SLC35F3: variants seen among roughly 807,000 people sequenced by gnomAD.
SLC35F3 encodes solute carrier family 35 member F3, also known as putative thiamine transporter SLC35F3.
Under a neutral mutation model 49.9 loss-of-function variants are expected in SLC35F3, and 25 were observed. The ratio of observed to expected loss-of-function variants is 0.50; its 90% CI spans 0.37 to 0.70. SLC35F3 has a LOEUF of 0.70. Ranked by LOEUF, SLC35F3 falls within the 30% of genes least tolerant of loss-of-function variation. SLC35F3 has a pLI of 0.00. For missense variants in SLC35F3, 525 were observed against 639.8 expected, an observed-to-expected ratio of 0.82 and a Z score of 1.94; for synonymous variants, 275 against 265.4, an observed-to-expected ratio of 1.04 and a Z score of -0.35.
chr1:234,063,136 G>A (rs999447390), intron 2 of SLC35F3, among the ~76,000 whole-genome samples: 11 of 152,064 alleles, frequency 7.2e-5, no homozygotes, highest in Admixed American at 5.9e-4. Flanking sequence ...TAGAGCCTCC[G>A]TCCTGTTCCC....
intron 3 of SLC35F3, among the ~76,000 whole-genome samples, chr1:234,264,543 G>T (rs907065387): frequency 6.6e-6 from 1 of 152,080 alleles, no homozygotes; most frequent in Admixed American, 6.6e-5. Context: ...GTTAATTTTT[G>T]TTTTTATTTT....
chr1:234,245,271 C>T (rs1667613295), intron 3 of SLC35F3, among the ~76,000 whole-genome samples: 1 of 152,218 alleles, frequency 6.6e-6, no homozygotes, highest in Non-Finnish European at 1.5e-5. Context: ...CCTCCAGTTC[C>T]ATCCATGTTG....
chr1:234,225,243 T>C (rs1667268968), intron 2 of SLC35F3, among the ~76,000 whole-genome samples: 1 of 152,240 alleles, frequency 6.6e-6, no homozygotes, highest in Non-Finnish European at 1.5e-5. Flanking sequence ...TGAGCAAGTA[T>C]TTAATGAGTA....
At chr1:234,100,360 A>G (rs989216944) in intron 2 of SLC35F3, among the ~76,000 whole-genome samples, 1 of 152,192 alleles carries the variant, frequency 6.6e-6, no homozygotes, top group Non-Finnish European at 1.5e-5. Flanking sequence ...TTATATTATT[A>G]TTTAGATGCA....
At chr1:234,013,722 T>G (rs1663759626) in intron 2 of SLC35F3, among the ~76,000 whole-genome samples, 2 of 151,896 alleles carry the variant, frequency 1.3e-5, no homozygotes, top group South Asian at 4.1e-4. Flanking sequence ...GCCAACAACT[T>G]GAATAACCCA....
At position 233,930,382 on chromosome 1, in the gene SLC35F3, T is replaced by G. The variant is rs74400429; in HGVS notation, c.283+24624T>G. Among the ~76,000 whole-genome samples, 911 of 152,322 alleles carry G rather than the reference T, an allele frequency of 6.0e-3. 9 individuals are homozygous for G. The highest frequency in any genetic ancestry group is 0.02 in the African/African-American group (851 of 41,586). ...CTCATCAAAAATCTTTTGATTTTCT[T>G]TCTTACTGCAAAGAGGTATTATAAT... is the stretch of plus-strand genomic sequence containing the variant. On this transcript the variant is annotated intron_variant, in intron 2 of 7. Transcript: ENST00000366618.
In SLC35F3 at chr1:233,931,282, C is replaced by T. The variant is rs1159626638; in HGVS notation, c.283+25524C>T. On this transcript the variant is annotated intron_variant, in intron 2 of 7. Transcript: ENST00000366618. ...CAATGGCAACAAAAGCCAAAAGTGACAAATGGGATCTAATTAAACTAAAGA... is the reference window on the plus strand; with the variant it reads ...CAATGGCAACAAAAGCCAAAAGTGATAAATGGGATCTAATTAAACTAAAGA... 7.9e-5 allele frequency among the ~76,000 whole-genome samples: 12 copies of T among 152,140 alleles called. 1 individual carries two copies. Among genetic ancestry groups the T allele is most frequent in the Admixed American group, 7.2e-4 (11 of 15,280 alleles).
intron 2 of SLC35F3, among the ~76,000 whole-genome samples, chr1:233,943,563 G>A (rs1662464473): frequency 6.6e-6 from 1 of 152,224 alleles, no homozygotes; most frequent in Non-Finnish European, 1.5e-5. Context: ...ATTCATCAAA[G>A]TGTAGGCACA....
intron 2 of SLC35F3, among the ~76,000 whole-genome samples, chr1:234,051,020 A>AT (rs1558215127): frequency 6.6e-6 from 1 of 152,138 alleles, no homozygotes; most frequent in Non-Finnish European, 1.5e-5. Flanking sequence ...TACTAGTGCC[A>AT]TGTTGTTTTG....
intron 2 of SLC35F3, among the ~76,000 whole-genome samples, chr1:234,017,900 G>A (rs897980519): frequency 6.6e-6 from 1 of 151,812 alleles, no homozygotes; most frequent in African/African-American, 2.4e-5. Flanking sequence ...GCTTCTCTAA[G>A]GCACATCAGA....
At position 233,904,909 on chromosome 1, in the gene SLC35F3, G is replaced by C. The variant is rs1387630322; in HGVS notation, c.-169G>C. ...GTGCCGCACGCCGCGGAGGCGCTCG[G>C]GTACAGACCGCGCGGGCGCGCACAA... On this transcript the variant is annotated 5_prime_UTR_variant, in exon 1 of 8. Coordinates refer to ENST00000366618, the MANE Select transcript of SLC35F3 (RefSeq NM_173508.4). 1.6e-6 allele frequency: 1 copy of C among 619,794 alleles called. No individual in the cohort carries two copies. The highest frequency in any genetic ancestry group is 2.6e-6 in the Non-Finnish European group (1 of 389,374). The allele number at this position is 619,794 out of a possible 1,614,324, so 38.4% of individuals were successfully genotyped here.
At chr1:234,251,068 C>A (rs922786581) in intron 3 of SLC35F3, among the ~76,000 whole-genome samples, 3 of 152,074 alleles carry the variant, frequency 2.0e-5, no homozygotes, top group African/African-American at 7.2e-5. Context: ...GAACAGATGA[C>A]AATGCCAACA....
intron 2 of SLC35F3, among the ~76,000 whole-genome samples, chr1:234,187,227 A>G (rs1666655665): frequency 6.6e-6 from 1 of 152,202 alleles, no homozygotes; most frequent in Admixed American, 6.5e-5. Flanking sequence ...AGCGGTTTGT[A>G]AATTGTATAC....
At chr1:234,146,375 T>C (rs1282945092) in intron 2 of SLC35F3, among the ~76,000 whole-genome samples, 2 of 152,040 alleles carry the variant, frequency 1.3e-5, no homozygotes, top group Admixed American at 6.6e-5. Context: ...ATTTCCATGA[T>C]ATTACTATTG....
chr1:234,250,581 G>A (rs1264109801), intron 3 of SLC35F3, among the ~76,000 whole-genome samples: 1 of 149,648 alleles, frequency 6.7e-6, no homozygotes, highest in African/African-American at 2.5e-5. Flanking sequence ...GTGAACCCGG[G>A]AGGCGGAGCT....
At chr1:234,285,401 C>A (rs1433462608) in intron 3 of SLC35F3, 4 of 463,148 alleles carry the variant, frequency 8.6e-6, no homozygotes, top group Non-Finnish European at 1.7e-5. Context: ...ATGAATTAAT[C>A]CTTGAAGAAA....
intron 3 of SLC35F3, among the ~76,000 whole-genome samples, chr1:234,267,714 A>G (rs1262532328): frequency 1.3e-4 from 14 of 105,340 alleles, no homozygotes; most frequent in Non-Finnish European, 1.3e-4. Flanking sequence ...TGGCTGCCGG[A>G]CGGAGGGGCT....
chr1:233,920,236 G>A (rs1440502003), intron 2 of SLC35F3, among the ~76,000 whole-genome samples: 1 of 152,216 alleles, frequency 6.6e-6, no homozygotes, highest in Non-Finnish European at 1.5e-5. Flanking sequence ...AGAGAAAGCA[G>A]AAATGCTATA....
chr1:234,081,904 A>ATTTTTTTTTTT (rs781469880), intron 2 of SLC35F3, among the ~76,000 whole-genome samples: 19 of 39,230 alleles, frequency 4.8e-4, no homozygotes, highest in Middle Eastern at 0.029. Context: ...TGCCTGGCTA[A>ATTTTTTTTTTT]TTTTTTTTTT....
Sources: allele counts gnomAD v4.1 joint callset (sites outside exome capture counted in the v4.1 genomes callset), GRCh38; gene constraint gnomAD v4.1.1; transcripts MANE v1.5; gene names NCBI Gene and HGNC (gene_info 2026-07-23, HGNC 2026-07-21).